The following NRG3 variants were observed in gnomAD, a reference collection of about 807,000 sequenced individuals.
NRG3 encodes neuregulin 3, also known as pro-neuregulin-3, membrane-bound isoform.
A neutral mutation model predicts 66.9 loss-of-function variants in NRG3; 31 were observed. The observed-to-expected ratio is 0.46, with a 90% confidence interval of 0.35 to 0.63. The LOEUF is 0.63. NRG3 is among the 20% of genes least tolerant of loss of function. The pLI, the probability that NRG3 is intolerant of heterozygous loss-of-function variation, is 0.00. For synonymous variants in NRG3, 393 were observed against 359.4 expected (o/e 1.09, Z -1.06); for missense variants, 910 against 878.9 (o/e 1.04, Z -0.45).
intron 2 of NRG3, among the ~76,000 whole-genome samples, chr10:82,719,111 C>T (rs2057144598): frequency 6.6e-6 from 1 of 152,146 alleles, no homozygotes; most frequent in South Asian, 2.1e-4. Context: ...GGATAAATCA[C>T]TCTCCCCAAA....
intron 2 of NRG3, among the ~76,000 whole-genome samples, chr10:82,729,175 A>G (rs1371086453): frequency 6.6e-6 from 1 of 152,114 alleles, no homozygotes; most frequent in Non-Finnish European, 1.5e-5. Context: ...ATAACTGACT[A>G]CCTACATTGA....
At chr10:82,721,535 G>T (rs575726971) in intron 2 of NRG3, among the ~76,000 whole-genome samples, 3 of 152,036 alleles carry the variant, frequency 2.0e-5, no homozygotes, top group African/African-American at 7.2e-5. Flanking sequence ...CAATTCTCCT[G>T]CCTCAGCCTT....
At chr10:82,680,788 C>A (rs923406148) in intron 2 of NRG3, among the ~76,000 whole-genome samples, 3 of 152,228 alleles carry the variant, frequency 2.0e-5, no homozygotes, top group African/African-American at 4.8e-5. Flanking sequence ...TTTCACTAGG[C>A]AGTTTCAGTG....
intron 1 of NRG3, among the ~76,000 whole-genome samples, chr10:82,223,465 C>T (rs902084614): frequency 2.0e-5 from 3 of 152,106 alleles, no homozygotes; most frequent in Non-Finnish European, 4.4e-5. Flanking sequence ...TTTACTAACT[C>T]ACTTCTGCTT....
At chr10:82,836,963 A>G (rs967367495) in intron 3 of NRG3, among the ~76,000 whole-genome samples, 1 of 151,970 alleles carries the variant, frequency 6.6e-6, no homozygotes, top group African/African-American at 2.4e-5. Context: ...TCATTGTTCA[A>G]TTCCCACCTA....
Position 81,886,455 on chromosome 10 carries a change from T to C in NRG3, c.823+10292T>C, listed in dbSNP as rs558487935. The stretch of plus-strand genomic sequence containing the variant: ...ACTTTAAAAAAAGTGCTTCTTCTAC[T>C]TGACAAAGTTGTGAGAAGTTTAACG... On this transcript the variant is annotated intron_variant, in intron 1 of 8. Transcript: ENST00000372141. 3.3e-5 allele frequency among the ~76,000 whole-genome samples: 5 copies of C among 152,304 alleles called. No individual in the cohort carries two copies. The South Asian group carries it at 1.0e-3, about 32-fold the overall frequency.
chr10:82,499,266 A>T (rs1180111207), intron 2 of NRG3, among the ~76,000 whole-genome samples: 1 of 152,184 alleles, frequency 6.6e-6, no homozygotes, highest in African/African-American at 2.4e-5. Context: ...AAACAGTTAA[A>T]AAGAGACTTG....
At chr10:82,536,716 C>G (rs1317131257) in intron 2 of NRG3, among the ~76,000 whole-genome samples, 1 of 151,916 alleles carries the variant, frequency 6.6e-6, no homozygotes, top group African/African-American at 2.4e-5. Context: ...ATCTGGAGAC[C>G]TTGTGATTAT....
At chr10:82,253,005 T>C (rs1326845816) in intron 1 of NRG3, among the ~76,000 whole-genome samples, 1 of 152,138 alleles carries the variant, frequency 6.6e-6, no homozygotes, top group Non-Finnish European at 1.5e-5. Context: ...AATCACTTCA[T>C]CCAACACCCC....
chr10:82,754,820 G>A (rs2059015064), intron 3 of NRG3, among the ~76,000 whole-genome samples: 1 of 151,906 alleles, frequency 6.6e-6, no homozygotes, highest in Non-Finnish European at 1.5e-5. Context: ...CATTATGAGG[G>A]GTGACTCATT....
chr10:82,691,198 T>TC (rs1254841033), intron 2 of NRG3, among the ~76,000 whole-genome samples: 1 of 151,970 alleles, frequency 6.6e-6, no homozygotes, highest in Non-Finnish European at 1.5e-5. Flanking sequence ...AGCACAAATG[T>TC]CCCCCAAGTC....
chr10:82,872,565 T>C (rs1841433163), intron 4 of NRG3, among the ~76,000 whole-genome samples: 1 of 152,136 alleles, frequency 6.6e-6, no homozygotes, highest in Non-Finnish European at 1.5e-5. Flanking sequence ...TTAATTGACA[T>C]ACATTTGTCA....
At chr10:82,101,775 G>A (rs1460810913) in intron 1 of NRG3, among the ~76,000 whole-genome samples, 1 of 121,802 alleles carries the variant, frequency 8.2e-6, no homozygotes, top group Non-Finnish European at 2.0e-5. Flanking sequence ...AATATTTCAT[G>A]GTTACTTGAA....
chr10:82,377,017 G>A (rs1387945740), intron 2 of NRG3, among the ~76,000 whole-genome samples: 4 of 152,026 alleles, frequency 2.6e-5, no homozygotes, highest in African/African-American at 4.8e-5. Context: ...GCCTGCATTC[G>A]GTAAGCTTCT....
chr10:82,331,371 T>C (rs2082126967), intron 1 of NRG3, among the ~76,000 whole-genome samples: 3 of 152,208 alleles, frequency 2.0e-5, no homozygotes. Context: ...GGTTCTGTGA[T>C]ATTTTCTGGA....
chr10:82,784,220 A>C (rs1382757319), intron 3 of NRG3, among the ~76,000 whole-genome samples: 2 of 152,096 alleles, frequency 1.3e-5, no homozygotes, highest in Non-Finnish European at 2.9e-5. Context: ...AGATGGATTA[A>C]AGACTTAAAC....
chr10:82,802,627 T>C (rs2061092182), intron 3 of NRG3, among the ~76,000 whole-genome samples: 1 of 152,020 alleles, frequency 6.6e-6, no homozygotes, highest in African/African-American at 2.4e-5. Context: ...CATGGAGTAG[T>C]ACTATTTACC....
chr10:82,497,831 A>G (rs1237543875), intron 2 of NRG3, among the ~76,000 whole-genome samples: 4 of 152,072 alleles, frequency 2.6e-5, no homozygotes, highest in African/African-American at 4.8e-5. Context: ...GCTTTTTCAT[A>G]ATGGCTATAC....
intron 1 of NRG3, among the ~76,000 whole-genome samples, chr10:81,912,901 A>G (rs972617720): frequency 2.0e-5 from 3 of 152,232 alleles, no homozygotes; most frequent in Admixed American, 6.5e-5. Context: ...AACTTAATGT[A>G]TTGTGACTGT....
Sources: allele counts gnomAD v4.1 joint callset (sites outside exome capture counted in the v4.1 genomes callset), GRCh38; gene constraint gnomAD v4.1.1; transcripts MANE v1.5; gene names NCBI Gene and HGNC (gene_info 2026-07-23, HGNC 2026-07-21).